AFAP1: variants seen among roughly 807,000 people sequenced by gnomAD.
AFAP1 encodes actin filament associated protein 1.
A neutral mutation model predicts 93.9 loss-of-function variants in AFAP1; 75 were observed. The ratio of observed to expected loss-of-function variants is 0.80; its 90% CI spans 0.66 to 0.97. AFAP1 has a LOEUF of 0.97. AFAP1 is among the 50% of genes least tolerant of loss of function. The pLI is 0.00. For synonymous variants in AFAP1, 517 were observed against 430.7 expected (o/e 1.20, Z -2.48); for missense variants, 1,201 against 1,050.8 (o/e 1.14, Z -1.98).
chr4:7,822,881 C>T (rs564136135), intron 6 of AFAP1, among the ~76,000 whole-genome samples: 1 of 151,306 alleles, frequency 6.6e-6, no homozygotes, highest in African/African-American at 2.4e-5. Context: ...GCGTGAGCCA[C>T]TGCGCCCGGC....
chr4:7,768,555 G>A (rs940828222), intron 17 of AFAP1, among the ~76,000 whole-genome samples: 3 of 152,158 alleles, frequency 2.0e-5, no homozygotes, highest in African/African-American at 7.2e-5. Context: ...CGAGTCCAGA[G>A]GAGCCCAGGG....
In AFAP1 at chr4:7,843,634, C is replaced by T. The variant is rs1293779730; in HGVS notation, c.335-284G>A. On this transcript the variant is annotated intron_variant, in intron 4 of 17. Transcript: ENST00000420658. ...GACGGGACCCCACGCTGACCCGACA[C>T]TGACTCCTCACCACATTCTTGCAGG... is the stretch of plus-strand genomic sequence containing the variant. 1.4e-5 allele frequency: 5 copies of T among 345,872 alleles called. No individual in the cohort carries two copies. The Admixed American group carries it at 1.9e-4, about 13-fold the overall frequency. The allele number at this position is 345,872 out of a possible 1,614,324, so 21.4% of individuals were successfully genotyped here.
intron 4 of AFAP1, among the ~76,000 whole-genome samples, chr4:7,852,321 C>A (rs1714530653): frequency 6.6e-6 from 1 of 152,144 alleles, no homozygotes; most frequent in African/African-American, 2.4e-5. Flanking sequence ...GGTCTAAGGG[C>A]AAGATATGGC....
intron 1 of AFAP1, among the ~76,000 whole-genome samples, chr4:7,929,879 G>A (rs1720967517): frequency 1.3e-5 from 2 of 152,178 alleles, no homozygotes; most frequent in South Asian, 4.1e-4. Context: ...GTTCTCAGCA[G>A]GACCGTTATA....
intron 1 of AFAP1, among the ~76,000 whole-genome samples, chr4:7,919,861 G>A (rs1410056433): frequency 1.3e-5 from 2 of 148,148 alleles, no homozygotes; most frequent in African/African-American, 5.0e-5. Context: ...TGTTCTCATT[G>A]TTCAGCTCCC....
At chr4:7,917,509 T>C (rs574531446) in intron 1 of AFAP1, among the ~76,000 whole-genome samples, 1 of 152,326 alleles carries the variant, frequency 6.6e-6, no homozygotes, top group East Asian at 1.9e-4. Flanking sequence ...GAGCATCTAT[T>C]GCTTTTGTAA....
At position 7,832,664 on chromosome 4, in the gene AFAP1, A is replaced by G. The variant is rs567070913; in HGVS notation, c.726+5860T>C. Among the ~76,000 whole-genome samples, 392 of 76,192 alleles carry G rather than the reference A, an allele frequency of 5.1e-3. 2 individuals are homozygous for G. The highest frequency in any genetic ancestry group is 0.022 in the African/African-American group (382 of 17,032). The allele number at this position is 76,192 out of a possible 152,430, so 50.0% of individuals were successfully genotyped here. On this transcript the variant is annotated intron_variant, in intron 6 of 17. Coordinates refer to ENST00000420658, the MANE Select transcript of AFAP1 (RefSeq NM_001134647.2). The stretch of plus-strand genomic sequence containing the variant: ...ACTAGAAAAAACAATCCTAAAATTC[A>G]TATGTTAAAAAAAAAAAAAGAGCCC...
At chr4:7,830,033 G>T (rs1400126188) in intron 6 of AFAP1, among the ~76,000 whole-genome samples, 3 of 152,118 alleles carry the variant, frequency 2.0e-5, no homozygotes, top group Admixed American at 6.5e-5. Flanking sequence ...AAATGTTATA[G>T]CCTGTAATAA....
At chr4:7,927,905 A>C (rs930804064) in intron 1 of AFAP1, among the ~76,000 whole-genome samples, 21 of 152,200 alleles carry the variant, frequency 1.4e-4, no homozygotes, top group Admixed American at 1.4e-3. Flanking sequence ...TGGCTCAAAA[A>C]TCTTCAAATC....
chr4:7,894,539 G>C (rs1718657428), intron 1 of AFAP1, among the ~76,000 whole-genome samples: 1 of 152,194 alleles, frequency 6.6e-6, no homozygotes, highest in Non-Finnish European at 1.5e-5. Flanking sequence ...TTAGCTATGA[G>C]AGGCCAGCCC....
At chr4:7,835,781 GAATGGACTGCGGGCGGCCTCA>G in intron 6 of AFAP1, among the ~76,000 whole-genome samples, 3 of 128,458 alleles carry the variant, frequency 2.3e-5, no homozygotes, top group Admixed American at 7.8e-5. Context: ...GGTGGCTCTT[GAATGGACTGCGGGCGGCCTCA>G]AGGTTACCTG....
intron 8 of AFAP1, among the ~76,000 whole-genome samples, chr4:7,811,224 C>T (rs1720003569): frequency 6.6e-6 from 1 of 152,086 alleles, no homozygotes; most frequent in Middle Eastern, 3.4e-3. Context: ...ACCCTTTCCC[C>T]TTCATCTCCA....
chr4:7,768,825 C>A lies in AFAP1; in HGVS notation c.2418+19G>T. 6.4e-7 allele frequency: 1 copy of A among 1,564,168 alleles called. No individual in the cohort carries two copies. Among genetic ancestry groups the A allele is most frequent in the African/African-American group, 1.4e-5 (1 of 73,730 alleles). On this transcript the variant is annotated intron_variant, in intron 17 of 17. Transcript: ENST00000420658. ...TGCCTGCCCAGGACACCCAGACACC[C>A]CCGGACATCAGGGCTTACCTTGGCC...
chr4:7,850,724 T>G (rs929609051), intron 4 of AFAP1, among the ~76,000 whole-genome samples: 3 of 152,158 alleles, frequency 2.0e-5, no homozygotes, highest in Non-Finnish European at 4.4e-5. Flanking sequence ...TGGGCTCAGG[T>G]CCCCCAGCTG....
chr4:7,849,148 G>A (rs998479223), intron 4 of AFAP1, among the ~76,000 whole-genome samples: 5 of 152,136 alleles, frequency 3.3e-5, no homozygotes, highest in East Asian at 3.9e-4. Flanking sequence ...CTGCCTTTTC[G>A]TTTCAATGCA....
At position 7,848,116 on chromosome 4, in the gene AFAP1, GAAGGAAGGAAGGGAGT is replaced by G. The variant is rs1349377940; in HGVS notation, c.335-4782_335-4767del. 6.8e-5 allele frequency among the ~76,000 whole-genome samples: 9 copies of G among 132,526 alleles called. No individual in the cohort carries two copies. The South Asian group carries it at 2.0e-3, about 29-fold the overall frequency. The allele number at this position is 132,526 out of a possible 152,430, so 86.9% of individuals were successfully genotyped here. ...GGAAGGAAAGAAGGAAGGAAGGAAGGAAGGAAGGAAGGGAGTGAGTGAGGGAGTGAACAGGTAGATG... is the reference window on the plus strand; with the variant it reads ...GGAAGGAAAGAAGGAAGGAAGGAAGGGAGTGAGGGAGTGAACAGGTAGATG... On this transcript the variant is annotated intron_variant, in intron 4 of 17. Coordinates refer to ENST00000420658, the MANE Select transcript of AFAP1 (RefSeq NM_001134647.2).
At chr4:7,842,468 A>G (rs1431009766) in intron 5 of AFAP1, among the ~76,000 whole-genome samples, 1 of 152,058 alleles carries the variant, frequency 6.6e-6, no homozygotes, top group Non-Finnish European at 1.5e-5. Flanking sequence ...TTTAAAGTTC[A>G]TAATTCTAAT....
intron 1 of AFAP1, among the ~76,000 whole-genome samples, chr4:7,890,016 A>T (rs1203706414): frequency 6.6e-6 from 1 of 150,690 alleles, no homozygotes; most frequent in African/African-American, 2.4e-5. Context: ...AAAAAAAAAA[A>T]AAAAAAAAGA....
Position 7,843,006 on chromosome 4 carries a change from G to T in AFAP1, c.546+133C>A, listed in dbSNP as rs901108818. ...GGCCCCTGGCATGGTACTGCGGCTA[G>T]CTCAGGGCACCTGGCTGACACCTGA... On this transcript the variant is annotated intron_variant, in intron 5 of 17. Coordinates refer to ENST00000420658, the MANE Select transcript of AFAP1 (RefSeq NM_001134647.2). 9.0e-6 allele frequency: 9 copies of T among 1,004,664 alleles called. No individual in the cohort carries two copies. The Admixed American group carries it at 1.7e-4, about 19-fold the overall frequency. 62.2% of individuals were successfully genotyped at this position (1,004,664 alleles called of 1,614,324 possible). A position where few individuals can be genotyped will look rare whatever the true frequency, so the allele number is the denominator to read the frequency against.
Sources: allele counts gnomAD v4.1 joint callset (sites outside exome capture counted in the v4.1 genomes callset), GRCh38; gene constraint gnomAD v4.1.1; transcripts MANE v1.5; gene names NCBI Gene and HGNC (gene_info 2026-07-23, HGNC 2026-07-21).